DPF1: variants seen among roughly 807,000 people sequenced by gnomAD.
DPF1 encodes zinc finger protein neuro-d4.
A neutral mutation model predicts 58.7 loss-of-function variants in DPF1; 14 were observed. The ratio of observed to expected loss-of-function variants is 0.24; its 90% CI spans 0.16 to 0.37. DPF1 has a LOEUF of 0.37. DPF1 is among the 10% of genes least tolerant of loss of function. The probability of loss-of-function intolerance (pLI) is 1.00; values close to 1 mark genes in which losing one functional copy is unlikely to be tolerated. For missense variants in DPF1, 345 were observed against 529.9 expected (o/e 0.65, Z 3.43); for synonymous variants, 216 against 216.0 (o/e 1.00, Z 0.00).
intron 8 of DPF1, 40 bp downstream of exon 8, chr19:38,216,313 G>C (rs1967015272): frequency 6.2e-7 from 1 of 1,608,580 alleles, no homozygotes; most frequent in South Asian, 1.1e-5. Flanking sequence ...ACCCCGCAAA[G>C]GTGGCTGCAG....
chr19:38,212,054 C>G lies in DPF1; in HGVS notation c.*9G>C. On this transcript the variant is annotated 3_prime_UTR_variant, in exon 12 of 12. Coordinates refer to ENST00000355526, the MANE Select transcript of DPF1 (RefSeq NM_001135155.3). ...GCACCACCCCAGAGTCGCGGCGAGCCGAGCCGGCCTAGGTGAGGGTGATGT... is the reference window on the plus strand; with the variant it reads ...GCACCACCCCAGAGTCGCGGCGAGCGGAGCCGGCCTAGGTGAGGGTGATGT... The G allele has an allele frequency of 6.2e-7, 1 of 1,607,906 alleles. No homozygotes were observed. Among genetic ancestry groups the G allele is most frequent in the Non-Finnish European group, 8.5e-7 (1 of 1,178,494 alleles).
At position 38,222,483 on chromosome 19, in the gene DPF1, G is replaced by C. The variant is rs773254801; in HGVS notation, c.191-19C>G. 3.2e-6 allele frequency: 5 copies of C among 1,581,954 alleles called. No individual in the cohort carries two copies. The highest frequency in any genetic ancestry group is 3.9e-5 in the Admixed American group (2 of 50,972). On this transcript the variant is annotated intron_variant, in intron 2 of 11. Transcript: ENST00000355526. The surrounding 1 kb of genome is among the most constrained non-coding windows in gnomAD (Gnocchi z 4.9). ...GCCAAACCTGGAGAGAGAGGGGGGT[G>C]AGAGGGCGGCGGCGGTGGGGCGGCC...
rs1481586942 is a variant in DPF1 at position 38,211,406 on chromosome 19, C to CT, written c.*656dup. 1.3e-5 allele frequency: 2 copies of CT among 152,410 alleles called. No homozygotes were observed. Among genetic ancestry groups the CT allele is most frequent in the Non-Finnish European group, 1.5e-5 (1 of 68,208 alleles). 9.4% of individuals were successfully genotyped at this position (152,410 alleles called of 1,614,324 possible). On this transcript the variant is annotated 3_prime_UTR_variant, in exon 12 of 12. Coordinates refer to ENST00000355526, the MANE Select transcript of DPF1 (RefSeq NM_001135155.3). The surrounding 1 kb of genome is among the most constrained non-coding windows in gnomAD (Gnocchi z 4.0). Reference sequence around the variant, plus strand: ...ACGGCAGGCACGGGGCGGGCACAGGCTGGGGCGGTCGGGGAGGGGCAGGAA... The same window carrying CT: ...ACGGCAGGCACGGGGCGGGCACAGGCTTGGGGCGGTCGGGGAGGGGCAGGAA...
chr19:38,215,814 C>A (rs2146141577), intron 9 of DPF1, among the ~76,000 whole-genome samples: 1 of 152,264 alleles, frequency 6.6e-6, no homozygotes, highest in East Asian at 1.9e-4. Flanking sequence ...AAGTGATCCT[C>A]CCACCTCTGC....
chr19:38,227,430 C>T (rs1385757759), upstream of DPF1, among the ~76,000 whole-genome samples: 1 of 151,968 alleles, frequency 6.6e-6, no homozygotes, highest in Non-Finnish European at 1.5e-5. Flanking sequence ...AGCGGGCTCT[C>T]CTTTCTTTCC....
intron 9 of DPF1, 31 bp from the exon 10 acceptor site, chr19:38,213,787 G>C (rs760155334): frequency 6.3e-7 from 1 of 1,588,162 alleles, no homozygotes; most frequent in Admixed American, 1.7e-5. Flanking sequence ...GTGCAGTTAG[G>C]AGGTCACCGT....
chr19:38,224,104 C>A lies in DPF1; in HGVS notation c.29+10G>T. On this transcript the variant is annotated intron_variant, in intron 1 of 11. Transcript: ENST00000355526. The surrounding 1 kb of genome is among the most constrained non-coding windows in gnomAD (Gnocchi z 4.5). ...GCGCTTCCTCTCCGCCTCCCGCCGG[C>A]CCGCACCACCTCAGGGGGCCAGGGA... 1 of 1,502,612 alleles carries A rather than the reference C, an allele frequency of 6.7e-7. No homozygotes were observed. 93.1% of individuals were successfully genotyped at this position (1,502,612 alleles called of 1,614,324 possible). A position where few individuals can be genotyped will look rare whatever the true frequency, so the allele number is the denominator to read the frequency against.
At chr19:38,217,902 G>A (rs1304583385) in intron 5 of DPF1, 26 bp from the exon 6 acceptor site, 2 of 1,613,188 alleles carry the variant, frequency 1.2e-6, no homozygotes, top group East Asian at 2.2e-5. Flanking sequence ...GGAGTGAGGG[G>A]CCAAGAAAGT....
Position 38,222,950 on chromosome 19 carries a change from C to T in DPF1, c.30-242G>A. The T allele has an allele frequency of 1.9e-6, 1 of 518,134 alleles. No homozygotes were observed. The highest frequency in any genetic ancestry group is 3.3e-6 in the Non-Finnish European group (1 of 299,314). The allele number at this position is 518,134 out of a possible 1,614,324, so 32.1% of individuals were successfully genotyped here. ...CATGAGTAGAAACACGATACAGAAA[C>T]AAACAAAAACACACCGGGACGTATC... On this transcript the variant is annotated intron_variant, in intron 1 of 11. Transcript: ENST00000355526. The surrounding 1 kb of genome is among the most constrained non-coding windows in gnomAD (Gnocchi z 4.9).
rs1967706820 is a variant in DPF1, at chr19:38,224,165, C to G, written c.-23G>C. 2.1e-6 allele frequency: 3 copies of G among 1,448,078 alleles called. No homozygotes were observed. The East Asian group carries it at 8.3e-5, about 40-fold the overall frequency. The allele number at this position is 1,448,078 out of a possible 1,614,324, so 89.7% of individuals were successfully genotyped here. A position where few individuals can be genotyped will look rare whatever the true frequency, so the allele number is the denominator to read the frequency against. On this transcript the variant is annotated 5_prime_UTR_variant, in exon 1 of 12. Coordinates refer to ENST00000355526, the MANE Select transcript of DPF1 (RefSeq NM_001135155.3). This position sits in a 1 kb window ranked among gnomAD's most constrained non-coding sequence, Gnocchi z 4.5. ...CATCTTGCTCCCCGGGTCCTGCCCC[C>G]AGCAGGTCCCCGCCGGGTCGGTCCT...
chr19:38,218,208 GAAAAAAA>G (rs1208470815), intron 5 of DPF1, among the ~76,000 whole-genome samples: 1 of 151,500 alleles, frequency 6.6e-6, no homozygotes, highest in African/African-American at 2.4e-5. Flanking sequence ...TCAAAAAAAA[GAAAAAAA>G]AGAAAAAAGA....
rs1417841873 is a variant in DPF1, at chr19:38,216,380, C to T, written c.751G>A (p.Val251Ile). ...GTGTGTTTCCTTTGTGCCTCAGGGA[C>T]CCAGGCCAATTCTTTGTAAAACTCT... is the stretch of plus-strand genomic sequence containing the variant. The part of the protein sequence containing the change: ...HKQFYKELAW[V>I]PEAQRKHTAK... Residue 251 changes from valine (V) to isoleucine (I), a missense_variant, in exon 8 of 12, where the codon GTC (valine) becomes ATC (isoleucine). By Grantham distance (29) the Val-to-Ile change is conservative. Transcript: ENST00000355526. The T allele has an allele frequency of 6.3e-7, 1 of 1,596,550 alleles. No homozygotes were observed. Among genetic ancestry groups the T allele is most frequent in the Non-Finnish European group, 8.5e-7 (1 of 1,170,718 alleles).
At chr19:38,221,758 T>A (rs1383795054) in intron 3 of DPF1, among the ~76,000 whole-genome samples, 1 of 151,992 alleles carries the variant, frequency 6.6e-6, no homozygotes, top group Non-Finnish European at 1.5e-5. Flanking sequence ...AAGACCAGAC[T>A]GGGCAACATA....
chr19:38,221,033 C>T (rs575115586), intron 3 of DPF1, among the ~76,000 whole-genome samples: 9 of 152,176 alleles, frequency 5.9e-5, no homozygotes, highest in South Asian at 4.1e-4. Flanking sequence ...CAGAAAGAGA[C>T]GGCCGCACCG....
chr19:38,225,374 C>T (rs1967772612), upstream of DPF1, among the ~76,000 whole-genome samples: 1 of 152,094 alleles, frequency 6.6e-6, no homozygotes, highest in Admixed American at 6.6e-5. Context: ...TGAGACCAAC[C>T]TGGGCAACAT....
At chr19:38,212,237 T>TGGGGGGGGGGGGGGGGGCCC in intron 11 of DPF1, 43 bp downstream of exon 11, 1 of 1,256,814 alleles carries the variant, frequency 8.0e-7, no homozygotes. Flanking sequence ...GGAGATGGCG[T>TGGGGGGGGGGGGGGGGGCCC]TCCCACCCAC....
upstream of DPF1, among the ~76,000 whole-genome samples, chr19:38,226,410 CAGAAGTGGCCCGCTAGCCTTCACCATTT>C (rs1351095356): frequency 2.7e-5 from 4 of 150,892 alleles, no homozygotes; most frequent in Admixed American, 6.6e-5. Context: ...CCCCAGCCGA[CAGAAGTGGCCCGCTAGCCTTCACCATTT>C]TTGTCACTTG....
chr19:38,218,208 G>GA (rs1208470815), intron 5 of DPF1, among the ~76,000 whole-genome samples: 1 of 151,500 alleles, frequency 6.6e-6, no homozygotes, highest in Non-Finnish European at 1.5e-5. Flanking sequence ...TCAAAAAAAA[G>GA]AAAAAAAAGA....
At chr19:38,225,889 CA>C (rs35172798), upstream of DPF1, among the ~76,000 whole-genome samples, 37,076 of 128,288 alleles carry the variant, frequency 0.29, 4,744 homozygotes, top group East Asian at 0.44. Context: ...ACCCTGTCTC[CA>C]AAAAAAAAAA....
Sources: allele counts gnomAD v4.1 joint callset (sites outside exome capture counted in the v4.1 genomes callset), GRCh38; gene constraint gnomAD v4.1.1; non-coding constraint Gnocchi (gnomAD v3.1); transcripts MANE v1.5; gene names NCBI Gene and HGNC (gene_info 2026-07-23, HGNC 2026-07-21).